The following CCDC171 variants were observed in gnomAD, a reference collection of about 807,000 sequenced individuals.
CCDC171 encodes the protein coiled-coil domain containing 171.
CCDC171 carries 177 observed loss-of-function variants against 168.2 expected under a neutral mutation model. That is an observed-to-expected ratio of 1.05 (90% CI 0.93 to 1.19). The LOEUF is 1.19. CCDC171 is among the 50% of genes most tolerant of loss of function. The pLI is 0.00. For missense variants in CCDC171, 1,991 were observed against 1,539.0 expected (o/e 1.29, Z -4.91); for synonymous variants, 687 against 540.8 (o/e 1.27, Z -3.75).
rs1277900874 is a variant in CCDC171, at chr9:15,972,237, T to C, written c.*401T>C. On this transcript the variant is annotated 3_prime_UTR_variant, in exon 26 of 26. Transcript: ENST00000380701. ...GAGAGCTATTTGAAATGTATGCCAA[T>C]GATTCCTGTCATTTCATGGCAGCCC... is the stretch of plus-strand genomic sequence containing the variant. 6.0e-6 allele frequency: 1 copy of C among 165,640 alleles called. No homozygotes were observed. Among genetic ancestry groups the C allele is most frequent in the Non-Finnish European group, 1.3e-5 (1 of 77,320 alleles). The allele number at this position is 165,640 out of a possible 1,614,324, so 10.3% of individuals were successfully genotyped here. A position where few individuals can be genotyped will look rare whatever the true frequency, so the allele number is the denominator to read the frequency against.
At chr9:15,967,575 T>C (rs1830926771) in intron 25 of CCDC171, among the ~76,000 whole-genome samples, 1 of 152,214 alleles carries the variant, frequency 6.6e-6, no homozygotes. Flanking sequence ...TAGTATATTC[T>C]GTCACACGTG....
chr9:15,600,730 A>G lies in CCDC171; in HGVS notation c.675+6558A>G, dbSNP rs918777421. 3.3e-5 allele frequency among the ~76,000 whole-genome samples: 5 copies of G among 152,294 alleles called. No individual in the cohort carries two copies. In the South Asian group the frequency reaches 8.3e-4, roughly 25 times the overall value. On this transcript the variant is annotated intron_variant, in intron 6 of 25. Transcript: ENST00000380701. The stretch of plus-strand genomic sequence containing the variant: ...TTTTGTTTGGCTATGCCCTGCCCCC[A>G]GAGGTGGAGTCTACAGAGGCAGGCA...
chr9:15,904,033 A>G (rs1822124163), intron 24 of CCDC171, among the ~76,000 whole-genome samples: 1 of 152,178 alleles, frequency 6.6e-6, no homozygotes. Context: ...ATGTGAAAAG[A>G]CCAAATCTAC....
intron 3 of CCDC171, among the ~76,000 whole-genome samples, chr9:16,014,509 C>G (rs1163677465): frequency 6.6e-6 from 1 of 152,144 alleles, no homozygotes; most frequent in Non-Finnish European, 1.5e-5. Context: ...AATGGTGAAT[C>G]CTTTCCAGGA....
intron 3 of CCDC171, among the ~76,000 whole-genome samples, chr9:16,015,685 T>C (rs1832993998): frequency 6.6e-6 from 1 of 152,194 alleles, no homozygotes; most frequent in South Asian, 2.1e-4. Flanking sequence ...TCATTGGCAT[T>C]GAGAGCATTC....
chr9:16,087,033 T>G, the CCDC171 span, among the ~76,000 whole-genome samples: 2 of 152,194 alleles, frequency 1.3e-5, no homozygotes, highest in African/African-American at 4.8e-5. Context: ...CATGTAGTTG[T>G]GCGGTTTTGA....
At chr9:15,626,774 T>C (rs1229459814) in intron 7 of CCDC171, among the ~76,000 whole-genome samples, 1 of 152,224 alleles carries the variant, frequency 6.6e-6, no homozygotes, top group Non-Finnish European at 1.5e-5. Context: ...TCTAAAATTC[T>C]CTTTTTTTTA....
At chr9:15,618,079 G>A (rs1321694406) in intron 6 of CCDC171, among the ~76,000 whole-genome samples, 1 of 152,214 alleles carries the variant, frequency 6.6e-6, no homozygotes, top group Non-Finnish European at 1.5e-5. Context: ...TGTCTTCAGA[G>A]CTGACAGGTA....
intron 20 of CCDC171, among the ~76,000 whole-genome samples, chr9:15,784,053 T>C (rs746323722): frequency 5.3e-5 from 8 of 152,044 alleles, no homozygotes; most frequent in Non-Finnish European, 1.0e-4. Context: ...AATAGAGTGA[T>C]TGGGAGTTGG....
chr9:15,727,014 C>A (rs191213310), intron 14 of CCDC171, among the ~76,000 whole-genome samples: 2 of 152,226 alleles, frequency 1.3e-5, no homozygotes, highest in African/African-American at 4.8e-5. Context: ...TATATGAATT[C>A]TGCAGCATAG....
intron 1 of CCDC171, among the ~76,000 whole-genome samples, chr9:15,563,044 A>G (rs1349540861): frequency 6.6e-6 from 1 of 151,954 alleles, no homozygotes; most frequent in Non-Finnish European, 1.5e-5. Context: ...TTTATGTGTC[A>G]TCAGTGGCCT....
intron 3 of CCDC171, among the ~76,000 whole-genome samples, chr9:16,002,748 C>T (rs1033262284): frequency 9.2e-5 from 14 of 152,218 alleles, no homozygotes; most frequent in Admixed American, 4.6e-4. Flanking sequence ...TCCAGTCCTG[C>T]AAGCTCCATT....
chr9:16,098,707 C>T, the CCDC171 span, among the ~76,000 whole-genome samples: 1 of 152,344 alleles, frequency 6.6e-6, no homozygotes, highest in African/African-American at 2.4e-5. Flanking sequence ...ATTGCTGTCT[C>T]AATTCACAAC....
intron 3 of CCDC171, among the ~76,000 whole-genome samples, chr9:15,995,309 A>G (rs569863515): frequency 6.6e-6 from 1 of 152,228 alleles, no homozygotes; most frequent in African/African-American, 2.4e-5. Context: ...ATCTTCCTCC[A>G]GTCCAGTCTC....
intron 10 of CCDC171, among the ~76,000 whole-genome samples, chr9:15,690,075 A>G (rs1337892376): frequency 2.0e-5 from 3 of 152,190 alleles, no homozygotes; most frequent in Admixed American, 1.3e-4. Context: ...ACAAAAACAA[A>G]AAGAAATGAG....
At chr9:15,821,932 T>C (rs2059789413) in intron 21 of CCDC171, among the ~76,000 whole-genome samples, 1 of 49,002 alleles carries the variant, frequency 2.0e-5, no homozygotes, top group Admixed American at 1.6e-4. Context: ...GACTTCAAAC[T>C]ATACAACAAG....
At position 15,578,916 on chromosome 9, in the gene CCDC171, A is replaced by T; in HGVS notation, c.245A>T (p.Gln82Leu). Residue 82 changes from glutamine to leucine, a missense_variant, in exon 4 of 26, where the codon CAA becomes CTA. Transcript: ENST00000380701. ...GTTGAAAAGGGAGAAGCATTGCGACAAAGTCTGGAATATGACCTAGCTGTT... is the reference window on the plus strand; with the variant it reads ...GTTGAAAAGGGAGAAGCATTGCGACTAAGTCTGGAATATGACCTAGCTGTT... ...SEVEKGEALRQSLEYDLAVAR... is the reference protein window; with the variant it reads ...SEVEKGEALRLSLEYDLAVAR... 1 of 1,614,056 alleles carries T rather than the reference A, an allele frequency of 6.2e-7. No individual in the cohort carries two copies. Among genetic ancestry groups the T allele is most frequent in the South Asian group, 1.1e-5 (1 of 91,068 alleles).
intron 24 of CCDC171, among the ~76,000 whole-genome samples, chr9:15,902,174 A>G (rs943671607): frequency 6.6e-6 from 1 of 151,832 alleles, no homozygotes. Flanking sequence ...AAAACATTGT[A>G]AAATAGTTGT....
intron 21 of CCDC171, among the ~76,000 whole-genome samples, chr9:15,790,962 G>A (rs1380069684): frequency 6.6e-6 from 1 of 152,130 alleles, no homozygotes; most frequent in Non-Finnish European, 1.5e-5. Context: ...CTATATCTCT[G>A]TTTTGGTACC....
Sources: allele counts gnomAD v4.1 joint callset (sites outside exome capture counted in the v4.1 genomes callset), GRCh38; gene constraint gnomAD v4.1.1; transcripts MANE v1.5; gene names NCBI Gene and HGNC (gene_info 2026-07-23, HGNC 2026-07-21).